The following SH2D3A variants were observed in gnomAD, a reference collection of about 807,000 sequenced individuals.
SH2D3A encodes SH2 domain-containing protein 3A.
A neutral mutation model predicts 50.6 loss-of-function variants in SH2D3A; 46 were observed. That is an observed-to-expected ratio of 0.91 (90% CI 0.72 to 1.16). The LOEUF is 1.16. Ranked by LOEUF, SH2D3A falls within the 50% of genes most tolerant of loss-of-function variation. The pLI, the probability that SH2D3A is intolerant of heterozygous loss-of-function variation, is 0.00. For missense variants in SH2D3A, 783 were observed against 786.2 expected (o/e 1.00, Z 0.05); for synonymous variants, 377 against 348.4 (o/e 1.08, Z -0.91).
intron 1 of SH2D3A, 87 bp from the exon 2 acceptor site, chr19:6,763,903 ATCTTT>A (rs1970168567): frequency 3.7e-6 from 1 of 266,766 alleles, no homozygotes; most frequent in Non-Finnish European, 6.9e-6. Context: ...GCTCCATCAA[ATCTTT>A]TTTTTTTTTT....
chr19:6,760,938 G>C lies in SH2D3A; in HGVS notation c.119C>G (p.Ser40Cys), dbSNP rs1477350065. The C allele has an allele frequency of 5.0e-6, 8 of 1,613,712 alleles. No homozygotes were observed. In the Admixed American group the frequency reaches 1.2e-4, roughly 24 times the overall value. ...QQNGDFLVRA[S>C]GSRGGNPVIS... ...CACGGGGTTGCCCCCACGGGACCCA[G>C]AGGCGCGAACCAGGAAGTCGCCATT... Residue 40 changes from serine (S) to cysteine (C), a missense_variant, in exon 3 of 10, where the codon TCT (serine) becomes TGT (cysteine). Physicochemically the swap from Ser to Cys is moderately radical, Grantham distance 112. Transcript: ENST00000245908.
Position 6,759,603 on chromosome 19 carries a change from C to A in SH2D3A, c.487G>T (p.Ala163Ser), listed in dbSNP as rs779893958. The A allele has an allele frequency of 6.2e-7, 1 of 1,613,862 alleles. No individual in the cohort carries two copies. Among genetic ancestry groups the A allele is most frequent in the Admixed American group, 1.7e-5 (1 of 60,006 alleles). ...AHMGRSREDP[A>S]GMEASTMPIS... ...TCTAGCAGACACTTACCCATCCCAG[C>A]GGGGTCTTCTCTTGACCGCCCCATA... is the stretch of plus-strand genomic sequence containing the variant. The change falls in exon 4 of 10, where the codon GCT (alanine) becomes TCT (serine). Residue 163 changes from alanine to serine, a missense_variant. Physicochemically the swap from Ala to Ser is moderately conservative, Grantham distance 99. Transcript: ENST00000245908.
rs573075758 is a variant in SH2D3A, at chr19:6,756,744, C to T, written c.497-1429G>A. Among the ~76,000 whole-genome samples, 9 of 152,240 alleles carry T rather than the reference C, an allele frequency of 5.9e-5. No individual in the cohort carries two copies. The South Asian group carries it at 1.9e-3, about 32-fold the overall frequency. ...TCACTCTGAGTTAAGGTCCAAAGTG[C>T]TCACAGTAGCTGAAAAATCCTCACA... On this transcript the variant is annotated intron_variant, in intron 4 of 9. Coordinates refer to ENST00000245908, the MANE Select transcript of SH2D3A (RefSeq NM_005490.3).
intron 2 of SH2D3A, 65 bp downstream of exon 2, chr19:6,763,615 A>G: frequency 1.3e-6 from 2 of 1,493,564 alleles, no homozygotes; most frequent in Non-Finnish European, 1.8e-6. Context: ...GGGACCCAGG[A>G]ATCCTCAGCA....
Position 6,754,640 on chromosome 19 carries a change from T to A in SH2D3A, c.1073A>T (p.His358Leu), listed in dbSNP as rs1969541278. 6.2e-7 allele frequency: 1 copy of A among 1,613,988 alleles called. No homozygotes were observed. Among genetic ancestry groups the A allele is most frequent in the Non-Finnish European group, 8.5e-7 (1 of 1,180,018 alleles). The change falls in exon 6 of 10, where the codon CAC (histidine) becomes CTC (leucine). Residue 358 changes from histidine to leucine, a missense_variant. By Grantham distance (99) the His-to-Leu change is moderately conservative. Coordinates refer to ENST00000245908, the MANE Select transcript of SH2D3A (RefSeq NM_005490.3). ...LELLTLPHGH[H>L]LRLELLERHQ... is the part of the protein sequence containing the mutation. ...CCTCTCCAGCAGTTCCAACCTCAAGTGGTGTCCATGGGGAAGAGTGAGCAG... is the reference window on the plus strand; with the variant it reads ...CCTCTCCAGCAGTTCCAACCTCAAGAGGTGTCCATGGGGAAGAGTGAGCAG...
In SH2D3A at chr19:6,761,577, T is replaced by C. The variant is rs533349926; in HGVS notation, c.70-590A>G. Among the ~76,000 whole-genome samples the C allele has an allele frequency of 5.9e-5, 9 of 152,334 alleles. No homozygotes were observed. The South Asian group carries it at 1.9e-3, about 32-fold the overall frequency. ...GCTTCAAGAGAAGCCATTAGCTGGA[T>C]GCTTCCAGATTGGGGCCCCCTCTTT... On this transcript the variant is annotated intron_variant, in intron 2 of 9. Coordinates refer to ENST00000245908, the MANE Select transcript of SH2D3A (RefSeq NM_005490.3).
intron 4 of SH2D3A, chr19:6,758,092 C>T (rs1371864085): frequency 6.6e-6 from 1 of 151,738 alleles, no homozygotes; most frequent in Admixed American, 6.6e-5. Context: ...TCCCAAGTAG[C>T]TTGGATTACA....
intron 2 of SH2D3A, 132 bp from the exon 3 acceptor site, chr19:6,761,119 CG>C: frequency 2.8e-6 from 2 of 703,678 alleles, no homozygotes; most frequent in Non-Finnish European, 4.6e-6. Context: ...CAGGCAAAGA[CG>C]GGGAACTTTC....
chr19:6,756,355 G>C (rs1969676593), intron 4 of SH2D3A, among the ~76,000 whole-genome samples: 1 of 151,162 alleles, frequency 6.6e-6, no homozygotes, highest in African/African-American at 2.4e-5. Flanking sequence ...GAGAGACAAA[G>C]TATAAAAAAT....
chr19:6,763,608 A>G, intron 2 of SH2D3A, 72 bp downstream of exon 2: 2 of 1,446,164 alleles, frequency 1.4e-6, no homozygotes, highest in Non-Finnish European at 1.9e-6. Context: ...TCATCCAGGG[A>G]CCCAGGAATC....
At chr19:6,753,732 T>A in intron 8 of SH2D3A, 91 bp from the exon 9 acceptor site, 1 of 1,313,010 alleles carries the variant, frequency 7.6e-7, no homozygotes. Context: ...GGGCGGGGCT[T>A]AGGACTGAGC....
Position 6,760,014 on chromosome 19 carries a change from C to T in SH2D3A, c.420-344G>A, listed in dbSNP as rs368056525. ...CAGCACTATGGGAGGCTGAGGCGGGCGGTCACGTGAGGTCAAAAGTTCAAG... is the reference window on the plus strand; with the variant it reads ...CAGCACTATGGGAGGCTGAGGCGGGTGGTCACGTGAGGTCAAAAGTTCAAG... On this transcript the variant is annotated intron_variant, in intron 3 of 9. Transcript: ENST00000245908. 5.1e-4 allele frequency among the ~76,000 whole-genome samples: 77 copies of T among 151,698 alleles called. 4 individuals are homozygous for T. In the South Asian group the frequency reaches 0.013, roughly 26 times the overall value.
intron 4 of SH2D3A, chr19:6,758,018 ACT>A (rs1274672267): frequency 1.3e-5 from 2 of 150,052 alleles, no homozygotes; most frequent in Non-Finnish European, 3.0e-5. Flanking sequence ...TATCTCCCTT[ACT>A]CTGTTTTTTT....
At chr19:6,765,747 C>CA (rs397945080) in intron 1 of SH2D3A, among the ~76,000 whole-genome samples, 12,032 of 62,602 alleles carry the variant, frequency 0.19, 816 homozygotes, top group African/African-American at 0.21. Context: ...GACTCCGTCT[C>CA]AAAAAAAAAA....
rs369666273 is a variant in SH2D3A at position 6,754,081 on chromosome 19, G to A, written c.1355C>T (p.Pro452Leu). ...GCCCTCATCCAGAGCCCGCATCAGC[G>A]GCTTCAGCTCCTGCTCAAAGGCCAG... is the stretch of plus-strand genomic sequence containing the variant. ...AALAFEQELK[P>L]LMRALDEGAG... Residue 452 changes from proline (P) to leucine (L), a missense_variant, in exon 8 of 10, where the codon CCG becomes CTG. Pro to Leu is a moderately conservative substitution (Grantham distance 98). Transcript: ENST00000245908. The A allele has an allele frequency of 3.9e-5, 63 of 1,610,886 alleles. No individual in the cohort carries two copies. The highest frequency in any genetic ancestry group is 4.8e-5 in the Non-Finnish European group (56 of 1,178,236).
chr19:6,760,614 A>T (rs1489579683), intron 3 of SH2D3A, 24 bp downstream of exon 3: 1 of 1,508,092 alleles, frequency 6.6e-7, no homozygotes, highest in Non-Finnish European at 8.9e-7. Flanking sequence ...GGTGTTCTCA[A>T]GGAGGCAGGG....
rs1383173176 is a variant in SH2D3A, at chr19:6,754,370, GCGGCCCCGAGCA to G, written c.1141_1152del (p.Cys381_Pro384del). On this transcript the variant is annotated inframe_deletion, in exon 7 of 10. Transcript: ENST00000245908. Reference sequence around the variant, plus strand: ...CTCAGTGCGGCTGCGCGCTCCTCCAGCGGCCCCGAGCAGCCCAGCACCGCCAGCGCCCCGGCC... The same window carrying G: ...CTCAGTGCGGCTGCGCGCTCCTCCAGGCCCAGCACCGCCAGCGCCCCGGCC... 3.2e-6 allele frequency: 5 copies of G among 1,556,292 alleles called. No individual in the cohort carries two copies. Among genetic ancestry groups the G allele is most frequent in the Non-Finnish European group, 4.3e-6 (5 of 1,159,202 alleles).
At chr19:6,766,940 A>G (rs1446110664) in intron 1 of SH2D3A, among the ~76,000 whole-genome samples, 1 of 152,098 alleles carries the variant, frequency 6.6e-6, no homozygotes, top group Non-Finnish European at 1.5e-5. Flanking sequence ...AAAGGCCTGG[A>G]GCTGAGATGG....
At chr19:6,759,707 C>T in intron 3 of SH2D3A, 37 bp from the exon 4 acceptor site, 1 of 1,593,740 alleles carries the variant, frequency 6.3e-7, no homozygotes, top group Non-Finnish European at 8.6e-7. Context: ...GTAGTCCCCA[C>T]CTAAGCAGTG....
Sources: gnomAD v4.1 joint callset for allele counts (sites outside exome capture counted in the v4.1 genomes callset) on GRCh38, gnomAD v4.1.1 for gene constraint, MANE v1.5 for transcripts, NCBI Gene and HGNC (gene_info 2026-07-23, HGNC 2026-07-21) for gene names.